Variants in AKAP6 observed in about 807,000 individuals in gnomAD.
The protein encoded by AKAP6 is A-kinase anchor protein 6.
Under a neutral mutation model 188.5 loss-of-function variants are expected in AKAP6, and 58 were observed. The ratio of observed to expected loss-of-function variants is 0.31; its 90% CI spans 0.25 to 0.38. The LOEUF is 0.38. Among genes scored for constraint, AKAP6 ranks in the 10% least tolerant of loss-of-function variants. The pLI is 1.00. For synonymous variants in AKAP6, 989 were observed against 998.6 expected (o/e 0.99, Z 0.18); for missense variants, 2,710 against 2,740.0 (o/e 0.99, Z 0.24).
intron 2 of AKAP6, among the ~76,000 whole-genome samples, chr14:32,460,005 C>A (rs1384253258): frequency 6.6e-6 from 1 of 152,108 alleles, no homozygotes; most frequent in Admixed American, 6.5e-5. Flanking sequence ...ATAAAGACAA[C>A]CATACAACTC....
At position 32,428,506 on chromosome 14, in the gene AKAP6, G is replaced by A. The variant is rs182977051; in HGVS notation, c.-34-4954G>A. Among the ~76,000 whole-genome samples the A allele has an allele frequency of 2.6e-4, 39 of 152,192 alleles. No homozygotes were observed. In the East Asian group the frequency reaches 6.2e-3, roughly 24 times the overall value. On this transcript the variant is annotated intron_variant, in intron 1 of 13. Coordinates refer to ENST00000280979, the MANE Select transcript of AKAP6 (RefSeq NM_004274.5). ...GTTTGGCCACAAGAAGAGAAACACC[G>A]GGGAGAGGAGGAGCCAAATGATTAA...
At chr14:32,566,617 A>G (rs1329831851) in intron 4 of AKAP6, among the ~76,000 whole-genome samples, 8 of 152,204 alleles carry the variant, frequency 5.3e-5, no homozygotes, top group African/African-American at 1.9e-4. Flanking sequence ...AAACAACTTA[A>G]TACACACATG....
rs1437671084 is a variant in AKAP6 at position 32,832,653 on chromosome 14, T to A, written c.*2848T>A. 1 of 152,256 alleles carries A rather than the reference T, an allele frequency of 6.6e-6. No homozygotes were observed. The highest frequency in any genetic ancestry group is 1.5e-5 in the Non-Finnish European group (1 of 68,048). 9.4% of individuals were successfully genotyped at this position (152,256 alleles called of 1,614,324 possible). A position where few individuals can be genotyped will look rare whatever the true frequency, so the allele number is the denominator to read the frequency against. ...CACTTCCAGTGATAGTGGCTCATTG[T>A]CTGTTAAGGCAAACTGTTCCACTGT... is the stretch of plus-strand genomic sequence containing the variant. On this transcript the variant is annotated 3_prime_UTR_variant, in exon 14 of 14. Transcript: ENST00000280979.
chr14:32,694,118 T>C (rs928762363), intron 8 of AKAP6, among the ~76,000 whole-genome samples: 6 of 151,694 alleles, frequency 4.0e-5, no homozygotes, highest in African/African-American at 7.3e-5. Flanking sequence ...TCCCAGCACT[T>C]TGGGAGGCCG....
chr14:32,449,947 T>C lies in AKAP6; in HGVS notation c.324+16130T>C, dbSNP rs10483407. Among the ~76,000 whole-genome samples, 599 of 152,004 alleles carry C rather than the reference T, an allele frequency of 3.9e-3. 5 individuals carry two copies. The highest frequency in any genetic ancestry group is 0.013 in the African/African-American group (532 of 41,464). ...CAGCTTTTAATGGCTGGAATGGGAG[T>C]TCTTCAAATTAGTGATAGTCAGTTG... On this transcript the variant is annotated intron_variant, in intron 2 of 13. Transcript: ENST00000280979.
intron 5 of AKAP6, among the ~76,000 whole-genome samples, chr14:32,589,304 C>T (rs76221916): frequency 0.044 from 6,718 of 152,198 alleles, 478 homozygotes; most frequent in African/African-American, 0.15. Context: ...TAAGGGTAGT[C>T]GCAGAGAGTT....
intron 1 of AKAP6, among the ~76,000 whole-genome samples, chr14:32,353,993 T>C (rs1171589019): frequency 2.0e-5 from 3 of 152,184 alleles, no homozygotes; most frequent in Admixed American, 6.5e-5. Flanking sequence ...TCCATGCTCA[T>C]GGATAGGAAG....
chr14:32,368,276 C>G (rs762736784), intron 1 of AKAP6, among the ~76,000 whole-genome samples: 1 of 152,114 alleles, frequency 6.6e-6, no homozygotes, highest in African/African-American at 2.4e-5. Context: ...CCTTTAAGAT[C>G]GTATCAGCCT....
intron 7 of AKAP6, among the ~76,000 whole-genome samples, chr14:32,629,216 G>T (rs1314267847): frequency 6.6e-6 from 1 of 151,958 alleles, no homozygotes; most frequent in South Asian, 2.1e-4. Flanking sequence ...TGTTAAGTTG[G>T]TTGGCTGCCA....
intron 5 of AKAP6, among the ~76,000 whole-genome samples, chr14:32,592,817 A>G (rs1885541571): frequency 6.6e-6 from 1 of 152,166 alleles, no homozygotes; most frequent in Non-Finnish European, 1.5e-5. Flanking sequence ...CCCGTCATCT[A>G]TAGATGAAGA....
intron 5 of AKAP6, among the ~76,000 whole-genome samples, chr14:32,580,603 G>T (rs142264205): frequency 2.6e-5 from 4 of 152,076 alleles, no homozygotes; most frequent in Non-Finnish European, 4.4e-5. Flanking sequence ...TGCACAACGT[G>T]CAGGTTAGTT....
intron 9 of AKAP6, among the ~76,000 whole-genome samples, chr14:32,714,086 T>C (rs1436594730): frequency 6.6e-6 from 1 of 151,962 alleles, no homozygotes; most frequent in Admixed American, 6.6e-5. Context: ...TCTCAAGGAA[T>C]AGGAAGGTCT....
chr14:32,794,998 T>C (rs921464697), intron 12 of AKAP6, among the ~76,000 whole-genome samples: 10 of 152,074 alleles, frequency 6.6e-5, no homozygotes, highest in African/African-American at 2.4e-4. Context: ...TAGAAAATAC[T>C]ATAAACACCT....
chr14:32,793,182 A>G (rs1176456961), intron 12 of AKAP6, among the ~76,000 whole-genome samples: 3 of 152,186 alleles, frequency 2.0e-5, no homozygotes, highest in Non-Finnish European at 4.4e-5. Context: ...TAACAATACT[A>G]ACCTTAAATG....
At chr14:32,547,097 G>C (rs190606076) in intron 4 of AKAP6, 98 bp downstream of exon 4, 2 of 1,144,460 alleles carry the variant, frequency 1.7e-6, no homozygotes, top group Non-Finnish European at 2.4e-6. Flanking sequence ...AAAATGTATG[G>C]CTATTTTTGA....
chr14:32,758,729 A>G (rs937772327), intron 11 of AKAP6, among the ~76,000 whole-genome samples: 2 of 152,166 alleles, frequency 1.3e-5, no homozygotes, highest in Admixed American at 6.5e-5. Flanking sequence ...GTGAAACTCC[A>G]TCTCAAAAAA....
chr14:32,613,013 A>T (rs566836794), intron 7 of AKAP6, among the ~76,000 whole-genome samples: 2 of 152,340 alleles, frequency 1.3e-5, no homozygotes, highest in South Asian at 4.1e-4. Context: ...GGTCCATTGC[A>T]ATTTGTGTAC....
chr14:32,803,880 A>G (rs1320951433), intron 12 of AKAP6, among the ~76,000 whole-genome samples: 1 of 152,200 alleles, frequency 6.6e-6, no homozygotes, highest in Admixed American at 6.5e-5. Context: ...TCTGGCTCTC[A>G]AGGAGAGATA....
intron 5 of AKAP6, among the ~76,000 whole-genome samples, chr14:32,594,164 C>A (rs1885595063): frequency 6.6e-6 from 1 of 152,068 alleles, no homozygotes; most frequent in Admixed American, 6.6e-5. Context: ...CAGCTGCCTG[C>A]AAGTTAGATA....
Sources: gnomAD v4.1 joint callset for allele counts (sites outside exome capture counted in the v4.1 genomes callset) on GRCh38, gnomAD v4.1.1 for gene constraint, MANE v1.5 for transcripts, NCBI Gene and HGNC (gene_info 2026-07-23, HGNC 2026-07-21) for gene names.